Variants in UNC80 observed in about 807,000 individuals in gnomAD.
The protein encoded by UNC80 is protein unc-80 homolog.
UNC80 carries 164 observed loss-of-function variants against 384.6 expected under a neutral mutation model. That is an observed-to-expected ratio of 0.43 (90% confidence interval 0.38 to 0.49). The LOEUF (loss-of-function observed/expected upper bound fraction) is 0.49, where lower values mean the gene tolerates loss of function less well. Ranked by LOEUF, UNC80 falls within the 20% of genes least tolerant of loss-of-function variation. The pLI, the probability that UNC80 is intolerant of heterozygous loss-of-function variation, is 0.00. For synonymous variants in UNC80, 1,486 were observed against 1,527.8 expected, an observed-to-expected ratio of 0.97 and a Z score of 0.64; for missense variants, 3,330 against 4,143.0, an observed-to-expected ratio of 0.80 and a Z score of 5.39.
At chr2:209,968,463 T>C (rs978864705) in intron 52 of UNC80, 6 of 152,122 alleles carry the variant, frequency 3.9e-5, no homozygotes, top group Admixed American at 2.0e-4. Flanking sequence ...CAGGTATTAG[T>C]CCATAATCTC....
chr2:209,777,409 C>T lies in UNC80; in HGVS notation c.450C>T (p.His150=), dbSNP rs1444872550. ...SWGGSSSAFI[H]QVENQGSPGQ... ...GTGGAAGCAGCAGTGCTTTCATCCA[C>T]CAGGTTGAAAACCAGGGTTCTCCAG... The change falls in exon 4 of 65, where the codon CAC becomes CAT. Residue 150 remains histidine (H), a synonymous_variant. Coordinates refer to ENST00000673920, the MANE Select transcript of UNC80 (RefSeq NM_001371986.1). 1 of 1,614,168 alleles carries T rather than the reference C, an allele frequency of 6.2e-7. No individual in the cohort carries two copies. Among genetic ancestry groups the T allele is most frequent in the South Asian group, 1.1e-5 (1 of 91,086 alleles).
chr2:209,800,099 T>A lies in UNC80; in HGVS notation c.938+6240T>A, dbSNP rs181536230. On this transcript the variant is annotated intron_variant, in intron 7 of 64. Transcript: ENST00000673920. ...GCTTCATAAATGAGTTAGGGAGGAA[T>A]CCCTCCTTTTTAATTGTTTGGAATA... is the stretch of plus-strand genomic sequence containing the variant. 3.9e-5 allele frequency among the ~76,000 whole-genome samples: 6 copies of A among 152,326 alleles called. No homozygotes were observed. The East Asian group carries it at 9.6e-4, about 24-fold the overall frequency.
At chr2:209,910,655 T>TTC (rs1260741729) in intron 29 of UNC80, among the ~76,000 whole-genome samples, 1 of 150,280 alleles carries the variant, frequency 6.7e-6, no homozygotes, top group Non-Finnish European at 1.5e-5. Context: ...TCATCTTTTT[T>TTC]TTTTTTTTTT....
At chr2:209,911,840 C>A (rs1275969470) in intron 29 of UNC80, among the ~76,000 whole-genome samples, 1 of 152,168 alleles carries the variant, frequency 6.6e-6, no homozygotes, top group Non-Finnish European at 1.5e-5. Flanking sequence ...ATTATTCAGT[C>A]CATCCCTTGG....
intron 12 of UNC80, among the ~76,000 whole-genome samples, 161 bp downstream of exon 12, chr2:209,819,422 A>C (rs918963708): frequency 1.3e-5 from 2 of 150,602 alleles, no homozygotes; most frequent in Admixed American, 1.3e-4. Context: ...TTCAACCATC[A>C]TAGGTGCACC....
chr2:209,987,002 T>C (rs975808375), intron 61 of UNC80, among the ~76,000 whole-genome samples: 3 of 152,206 alleles, frequency 2.0e-5, no homozygotes, highest in African/African-American at 7.2e-5. Flanking sequence ...GTAATGACGC[T>C]TAACATACAC....
chr2:209,983,141 T>C (rs1454974707), intron 60 of UNC80, among the ~76,000 whole-genome samples: 2 of 152,312 alleles, frequency 1.3e-5, no homozygotes, highest in South Asian at 2.1e-4. Flanking sequence ...TTCATTGTAG[T>C]ACAATTCAGA....
rs1379016105 is a variant in UNC80 at position 209,816,902 on chromosome 2, A to G, written c.1336-7A>G. The G allele has an allele frequency of 1.2e-5, 19 of 1,551,276 alleles. No homozygotes were observed. Among genetic ancestry groups the G allele is most frequent in the Non-Finnish European group, 1.7e-5 (19 of 1,146,836 alleles). ...TGTGCCTAATTCTACACCTCTCATCACTGTAGTTCAAGAGCCGCAAAGAAG... is the reference window on the plus strand; with the variant it reads ...TGTGCCTAATTCTACACCTCTCATCGCTGTAGTTCAAGAGCCGCAAAGAAG... On this transcript the variant is annotated splice_region_variant and splice_polypyrimidine_tract_variant and intron_variant, in intron 9 of 64. Transcript: ENST00000673920.
Position 209,918,589 on chromosome 2 carries a change from G to T in UNC80, c.5269G>T (p.Val1757Phe). 1.3e-6 allele frequency: 2 copies of T among 1,552,054 alleles called. No individual in the cohort carries two copies. The highest frequency in any genetic ancestry group is 8.7e-7 in the Non-Finnish European group (1 of 1,147,042). The change falls in exon 33 of 65, where the codon GTC (valine) becomes TTC (phenylalanine). Residue 1757 changes from valine (V) to phenylalanine (F), a missense_variant. Physicochemically the swap from Val to Phe is conservative, Grantham distance 50 (BLOSUM62 -1). Transcript: ENST00000673920. ...CTCGCCGGTGCTTGGAATGCCATCCGTCCCAATGTTTGACCCACCGTGGGT... is the reference window on the plus strand; with the variant it reads ...CTCGCCGGTGCTTGGAATGCCATCCTTCCCAATGTTTGACCCACCGTGGGT... ...LPSPVLGMPSVPMFDPPWVPQ... is the reference protein window; with the variant it reads ...LPSPVLGMPSFPMFDPPWVPQ...
intron 7 of UNC80, among the ~76,000 whole-genome samples, chr2:209,800,274 G>A (rs2078455360): frequency 6.6e-6 from 1 of 151,956 alleles, no homozygotes; most frequent in African/African-American, 2.4e-5. Context: ...AATTCTTCCT[G>A]GTTTAGTCTT....
rs1297352916 is a variant in UNC80, at chr2:209,783,841, A to G, written c.601-2225A>G. ...TCCTGTATTTGTAGAGACAAATCTG[A>G]TAAGATTTGCTTAATGTTAATTTCC... On this transcript the variant is annotated intron_variant, in intron 4 of 64. Coordinates refer to ENST00000673920, the MANE Select transcript of UNC80 (RefSeq NM_001371986.1). 3.9e-5 allele frequency among the ~76,000 whole-genome samples: 6 copies of G among 152,182 alleles called. No homozygotes were observed. The South Asian group carries it at 8.3e-4, about 21-fold the overall frequency.
At chr2:209,995,288 C>T in intron 64 of UNC80, 41 bp from the exon 65 acceptor site, 1 of 1,545,786 alleles carries the variant, frequency 6.5e-7, no homozygotes, top group Non-Finnish European at 8.7e-7. Context: ...CTCTGGTACC[C>T]ATCCTATCTT....
intron 28 of UNC80, among the ~76,000 whole-genome samples, chr2:209,900,415 G>A (rs918373321): frequency 1.3e-5 from 2 of 151,992 alleles, no homozygotes; most frequent in East Asian, 3.9e-4. Flanking sequence ...TGATATTATT[G>A]TCGTTGTTTT....
intron 42 of UNC80, among the ~76,000 whole-genome samples, chr2:209,938,710 CTG>C (rs139058213): frequency 0.061 from 5,075 of 83,052 alleles, 131 homozygotes; most frequent in African/African-American, 0.087. Context: ...CTCTCTCTCT[CTG>C]TGTGTGTGTG....
chr2:209,944,301 C>T (rs762145162), intron 45 of UNC80, among the ~76,000 whole-genome samples: 1 of 152,076 alleles, frequency 6.6e-6, no homozygotes, highest in Non-Finnish European at 1.5e-5. Context: ...TACCACCTAC[C>T]CTGCTTTGTT....
chr2:209,967,318 T>G, intron 51 of UNC80, 119 bp from the exon 52 acceptor site: 1 of 609,382 alleles, frequency 1.6e-6, no homozygotes, highest in Non-Finnish European at 2.5e-6. Flanking sequence ...AAGAATGTTC[T>G]TAGTTCAGGG....
chr2:209,988,866 C>G (rs1208451699), intron 61 of UNC80, among the ~76,000 whole-genome samples: 2 of 152,086 alleles, frequency 1.3e-5, no homozygotes, highest in Non-Finnish European at 2.9e-5. Flanking sequence ...TTTTCATTGA[C>G]TCAAAAATAT....
rs554119318 is a variant in UNC80, at chr2:209,933,426, A to G, written c.5995-396A>G. 2.0e-5 allele frequency among the ~76,000 whole-genome samples: 3 copies of G among 152,252 alleles called. No homozygotes were observed. In the East Asian group the frequency reaches 5.8e-4, roughly 29 times the overall value. On this transcript the variant is annotated intron_variant, in intron 38 of 64. Transcript: ENST00000673920. ...CACACAAAAATTTTGAAGTTCATCA[A>G]CTTAGCCAAGCAGTGTGCTCTTAGG...
intron 38 of UNC80, among the ~76,000 whole-genome samples, 160 bp from the exon 39 acceptor site, chr2:209,933,662 T>A (rs2091048758): frequency 1.3e-5 from 2 of 152,130 alleles, no homozygotes; most frequent in African/African-American, 4.8e-5. Context: ...TTTCCAGTTA[T>A]GCCCTCTCCT....
Sources: gnomAD v4.1 joint callset for allele counts (sites outside exome capture counted in the v4.1 genomes callset) on GRCh38, gnomAD v4.1.1 for gene constraint, MANE v1.5 for transcripts, NCBI Gene and HGNC (gene_info 2026-07-23, HGNC 2026-07-21) for gene names.